Variants in RNASET2 observed in about 807,000 individuals in gnomAD.
The protein encoded by RNASET2 is ribonuclease 6.
In RNASET2, 28 loss-of-function variants were observed where a neutral mutation model predicts 33.9. The observed-to-expected ratio is 0.83, with a 90% CI of 0.61 to 1.13. The LOEUF is 1.13. Ranked by LOEUF, RNASET2 falls within the 50% of genes most tolerant of loss-of-function variation. The pLI is 0.00. For synonymous variants in RNASET2, 123 were observed against 121.0 expected (o/e 1.02, Z -0.11); for missense variants, 330 against 319.9 (o/e 1.03, Z -0.24).
chr6:166,927,940 C>T lies in RNASET2; in HGVS notation c.*1648G>A, dbSNP rs547321169. On this transcript the variant is annotated 3_prime_UTR_variant, in exon 9 of 9. Coordinates refer to ENST00000508775, the MANE Select transcript of RNASET2 (RefSeq NM_003730.6). Reference sequence around the variant, plus strand: ...CTGCCCTGCCAAGCCAACAGAAAAACACTGGAGACAGAAATGAGCTCAGAG... The same window carrying T: ...CTGCCCTGCCAAGCCAACAGAAAAATACTGGAGACAGAAATGAGCTCAGAG... Among the ~76,000 whole-genome samples the T allele has an allele frequency of 6.6e-6, 1 of 152,176 alleles. No individual in the cohort carries two copies. The highest frequency in any genetic ancestry group is 1.5e-5 in the Non-Finnish European group (1 of 68,016).
chr6:166,946,044 T>C (rs1051731132), intron 4 of RNASET2, among the ~76,000 whole-genome samples: 2 of 152,080 alleles, frequency 1.3e-5, no homozygotes, highest in African/African-American at 4.8e-5. Flanking sequence ...ACAGGAACTG[T>C]TGGCACCCCT....
rs149150928 is a variant in RNASET2 at position 166,923,596 on chromosome 6, G to A, written c.*5992C>T. ...CTTTTTTGTCTAAAATAAATGGAAGGCCCATTACAGTCACTCAGAAAAAAA... is the reference window on the plus strand; with the variant it reads ...CTTTTTTGTCTAAAATAAATGGAAGACCCATTACAGTCACTCAGAAAAAAA... On this transcript the variant is annotated 3_prime_UTR_variant, in exon 9 of 9. Coordinates refer to ENST00000508775, the MANE Select transcript of RNASET2 (RefSeq NM_003730.6). Among the ~76,000 whole-genome samples, 337 of 151,622 alleles carry A rather than the reference G, an allele frequency of 2.2e-3. 1 individual carries two copies. The highest frequency in any genetic ancestry group is 0.01 in the Middle Eastern group (3 of 294).
chr6:166,948,076 TG>T (rs1183140689), intron 3 of RNASET2, among the ~76,000 whole-genome samples: 1 of 152,160 alleles, frequency 6.6e-6, no homozygotes, highest in African/African-American at 2.4e-5. Context: ...CTGGGCACAG[TG>T]GCTCACACCT....
chr6:166,930,844 T>TAC (rs561384815), intron 8 of RNASET2, among the ~76,000 whole-genome samples, 200 bp downstream of exon 8: 1 of 142,710 alleles, frequency 7.0e-6, no homozygotes, highest in Admixed American at 7.0e-5. Flanking sequence ...CACATGCATG[T>TAC]ACACACACAT....
chr6:166,929,547 T>A lies in RNASET2; in HGVS notation c.*41A>T. ...TTTAGAAAGCTGCAGTTTGTGAATT[T>A]CTCTTGCTTTTTAAAACAGAATATT... On this transcript the variant is annotated 3_prime_UTR_variant, in exon 9 of 9. Coordinates refer to ENST00000508775, the MANE Select transcript of RNASET2 (RefSeq NM_003730.6). 6.3e-7 allele frequency: 1 copy of A among 1,599,392 alleles called. No homozygotes were observed. The highest frequency in any genetic ancestry group is 2.2e-5 in the East Asian group (1 of 44,822).
chr6:166,939,080 T>A (rs1583221931), intron 5 of RNASET2, 72 bp from the exon 6 acceptor site: 1 of 1,104,072 alleles, frequency 9.1e-7, no homozygotes, highest in African/African-American at 1.5e-5. Context: ...ATGCCTGTAA[T>A]CCCAACACTT....
At chr6:166,955,438 G>C (rs949297089) in intron 1 of RNASET2, 123 of 972,276 alleles carry the variant, frequency 1.3e-4, no homozygotes, top group Admixed American at 5.5e-4. Context: ...CGGAGGGCGA[G>C]CCAAGGGAAG....
At chr6:166,948,663 T>A (rs199858707) in intron 2 of RNASET2, 38 bp from the exon 3 acceptor site, 2 of 1,239,100 alleles carry the variant, frequency 1.6e-6, no homozygotes, top group East Asian at 4.6e-5. Context: ...ATTGGCTCTT[T>A]GTTTATTCAA....
intron 1 of RNASET2, chr6:166,955,445 G>A (rs1269509428): frequency 2.0e-6 from 2 of 979,660 alleles, no homozygotes; most frequent in African/African-American, 1.8e-5. Context: ...CGAGCCAAGG[G>A]AAGGGATTCA....
At chr6:166,953,426 G>A (rs964456743) in intron 1 of RNASET2, 2 of 152,198 alleles carry the variant, frequency 1.3e-5, no homozygotes, top group African/African-American at 4.8e-5. Context: ...AGACACTTCA[G>A]GATAAATCAA....
At chr6:166,953,272 A>C (rs1355088480) in intron 1 of RNASET2, 1 of 152,586 alleles carries the variant, frequency 6.6e-6, no homozygotes, top group Non-Finnish European at 1.5e-5. Flanking sequence ...AAGACTTCAA[A>C]GAAGCCACTG....
At chr6:166,945,571 C>T (rs1778815178) in intron 4 of RNASET2, among the ~76,000 whole-genome samples, 1 of 152,188 alleles carries the variant, frequency 6.6e-6, no homozygotes, top group Admixed American at 6.5e-5. Flanking sequence ...TGGCTCCCAC[C>T]TGTAATCCCA....
In RNASET2 at chr6:166,938,946, T is replaced by C. The variant is rs1778633630; in HGVS notation, c.395A>G (p.Lys132Arg). ...TTCCAGGCTTCTGCCAAAGTACTTCTTCTGGGAGTTGAGCGCATCCACCTG... is the reference window on the plus strand; with the variant it reads ...TTCCAGGCTTCTGCCAAAGTACTTCCTCTGGGAGTTGAGCGCATCCACCTG... ...AAQVDALNSQKKYFGRSLELY... is the reference protein window; with the variant it reads ...AAQVDALNSQRKYFGRSLELY... The change falls in exon 6 of 9, where the codon AAG becomes AGG. Residue 132 changes from lysine to arginine, a missense_variant. Coordinates refer to ENST00000508775, the MANE Select transcript of RNASET2 (RefSeq NM_003730.6). 1.2e-6 allele frequency: 2 copies of C among 1,613,738 alleles called. No homozygotes were observed. Among genetic ancestry groups the C allele is most frequent in the Non-Finnish European group, 8.5e-7 (1 of 1,179,998 alleles).
At chr6:166,953,533 T>C (rs541669456) in intron 1 of RNASET2, 3 of 152,316 alleles carry the variant, frequency 2.0e-5, no homozygotes, top group South Asian at 4.1e-4. Flanking sequence ...GAATTTACAG[T>C]TAAGATGGTA....
chr6:166,934,147 A>C lies in RNASET2; in HGVS notation c.447-11T>G. On this transcript the variant is annotated splice_polypyrimidine_tract_variant and intron_variant, in intron 6 of 8. Transcript: ENST00000508775. ...AATTTTAGAAGCACACTAAAATTTAAATTTAAAAAAGTTAGCTGTATAATG... is the reference window on the plus strand; with the variant it reads ...AATTTTAGAAGCACACTAAAATTTACATTTAAAAAAGTTAGCTGTATAATG... 1 of 1,569,222 alleles carries C rather than the reference A, an allele frequency of 6.4e-7. No individual in the cohort carries two copies. Among genetic ancestry groups the C allele is most frequent in the East Asian group, 2.2e-5 (1 of 44,672 alleles).
At chr6:166,938,765 G>A (rs781126866) in intron 6 of RNASET2, 130 bp downstream of exon 6, 8 of 775,286 alleles carry the variant, frequency 1.0e-5, no homozygotes, top group African/African-American at 6.8e-5. Context: ...CCCAGTAGCC[G>A]AATAGTGCAC....
Position 166,956,410 on chromosome 6 carries a change from G to C in RNASET2, c.-228C>G, listed in dbSNP as rs942170508. On this transcript the variant is annotated 5_prime_UTR_variant, in exon 1 of 9. Coordinates refer to ENST00000508775, the MANE Select transcript of RNASET2 (RefSeq NM_003730.6). The stretch of plus-strand genomic sequence containing the variant: ...CGGGAATGGCCGCAGCAGCCCTGGC[G>C]ACCCGGGCCCCTCGGAGCTCCCCTT... 1.7e-6 allele frequency: 1 copy of C among 572,538 alleles called. No homozygotes were observed. The highest frequency in any genetic ancestry group is 3.1e-5 in the Admixed American group (1 of 32,390). 35.5% of individuals were successfully genotyped at this position (572,538 alleles called of 1,614,324 possible).
rs1199604988 is a variant in RNASET2, at chr6:166,955,397, G to GCACA, written c.86+696_86+699dup. The GCACA allele has an allele frequency of 2.1e-5, 11 of 519,248 alleles. No homozygotes were observed. The African/African-American group carries it at 2.9e-4, about 14-fold the overall frequency. 32.2% of individuals were successfully genotyped at this position (519,248 alleles called of 1,614,324 possible). A position where few individuals can be genotyped will look rare whatever the true frequency, so the allele number is the denominator to read the frequency against. Reference sequence around the variant, plus strand: ...AACGCACACGCACACACACACACGCGCACACACACACGCGCACACACACAC... The same window carrying GCACA: ...AACGCACACGCACACACACACACGCGCACACACACACACACGCGCACACACACAC... On this transcript the variant is annotated intron_variant, in intron 1 of 8. Transcript: ENST00000508775.
At position 166,955,397 on chromosome 6, in the gene RNASET2, GCACACACACA is replaced by G. The variant is rs1199604988; in HGVS notation, c.86+690_86+699del. 19 of 519,642 alleles carry G rather than the reference GCACACACACA, an allele frequency of 3.7e-5. 2 individuals carry two copies. The highest frequency in any genetic ancestry group is 2.0e-4 in the South Asian group (2 of 9,952). The allele number at this position is 519,642 out of a possible 1,614,324, so 32.2% of individuals were successfully genotyped here. On this transcript the variant is annotated intron_variant, in intron 1 of 8. Coordinates refer to ENST00000508775, the MANE Select transcript of RNASET2 (RefSeq NM_003730.6). Reference sequence around the variant, plus strand: ...AACGCACACGCACACACACACACGCGCACACACACACGCGCACACACACACACACGCGGAG... The same window carrying G: ...AACGCACACGCACACACACACACGCGCGCGCACACACACACACACGCGGAG...
Sources: gnomAD v4.1 joint callset for allele counts (sites outside exome capture counted in the v4.1 genomes callset) on GRCh38, gnomAD v4.1.1 for gene constraint, MANE v1.5 for transcripts, NCBI Gene and HGNC (gene_info 2026-07-23, HGNC 2026-07-21) for gene names.